Variants in SSBP2 observed in about 807,000 individuals in gnomAD.
SSBP2 encodes single stranded DNA binding protein 2.
A neutral mutation model predicts 61.8 loss-of-function variants in SSBP2; 17 were observed. The observed-to-expected ratio is 0.28, with a 90% CI of 0.19 to 0.41. The LOEUF is 0.41. Among genes scored for constraint, SSBP2 ranks in the 10% least tolerant of loss-of-function variants. The pLI is 1.00. For missense variants in SSBP2, 310 were observed against 458.7 expected, an observed-to-expected ratio of 0.68 and a Z score of 2.96; for synonymous variants, 139 against 141.3, an observed-to-expected ratio of 0.98 and a Z score of 0.12.
chr5:81,543,527 G>A (rs1334390822), intron 4 of SSBP2, among the ~76,000 whole-genome samples: 2 of 152,136 alleles, frequency 1.3e-5, no homozygotes, highest in Middle Eastern at 3.2e-3. Flanking sequence ...GAGGGAACAA[G>A]GGTTGAAAAA....
chr5:81,526,704 A>C (rs1298986257), intron 4 of SSBP2, among the ~76,000 whole-genome samples: 1 of 152,012 alleles, frequency 6.6e-6, no homozygotes, highest in Middle Eastern at 3.2e-3. Flanking sequence ...CAAGCTTTTT[A>C]ATTCAACAAA....
intron 1 of SSBP2, among the ~76,000 whole-genome samples, chr5:81,710,145 C>T (rs1265170236): frequency 6.6e-6 from 1 of 151,962 alleles, no homozygotes; most frequent in African/African-American, 2.4e-5. Flanking sequence ...TCACTTGGTC[C>T]CACTGCCATG....
rs776103132 is a variant in SSBP2 at position 81,609,136 on chromosome 5, G to GA, written c.282+6336dup. ...CTATGGCCCTTCTACAATGCTCCAG[G>GA]AATTCAGGGACTTCAGCATGAAACT... On this transcript the variant is annotated intron_variant, in intron 4 of 16. Coordinates refer to ENST00000320672, the MANE Select transcript of SSBP2 (RefSeq NM_012446.5). Among the ~76,000 whole-genome samples, 7 of 152,220 alleles carry GA rather than the reference G, an allele frequency of 4.6e-5. No individual in the cohort carries two copies. The East Asian group carries it at 1.4e-3, about 29-fold the overall frequency.
At chr5:81,541,042 G>A (rs1021855318) in intron 4 of SSBP2, among the ~76,000 whole-genome samples, 2 of 151,848 alleles carry the variant, frequency 1.3e-5, no homozygotes, top group African/African-American at 4.8e-5. Context: ...AAGTTTCCTG[G>A]AGCTGATAAA....
At chr5:81,480,959 A>G (rs971874497) in intron 6 of SSBP2, among the ~76,000 whole-genome samples, 1 of 152,126 alleles carries the variant, frequency 6.6e-6, no homozygotes, top group Non-Finnish European at 1.5e-5. Flanking sequence ...ATATCAAGAA[A>G]CCATTTTTGT....
At chr5:81,695,860 AATAAT>A (rs1402209061) in intron 1 of SSBP2, among the ~76,000 whole-genome samples, 1 of 152,138 alleles carries the variant, frequency 6.6e-6, no homozygotes, top group Non-Finnish European at 1.5e-5. Context: ...AATTCTGCTT[AATAAT>A]ATAATTTTTA....
intron 1 of SSBP2, among the ~76,000 whole-genome samples, chr5:81,710,174 A>G (rs1024942203): frequency 4.6e-5 from 7 of 152,042 alleles, no homozygotes; most frequent in Admixed American, 3.9e-4. Flanking sequence ...AGCTTATAGG[A>G]CACAATGGTA....
intron 6 of SSBP2, among the ~76,000 whole-genome samples, chr5:81,477,789 A>G (rs966452556): frequency 2.6e-5 from 4 of 152,164 alleles, no homozygotes; most frequent in Non-Finnish European, 4.4e-5. Context: ...ATCTGTGCCT[A>G]CTGTCACAGA....
chr5:81,702,914 G>A (rs1454624463), intron 1 of SSBP2, among the ~76,000 whole-genome samples: 1 of 152,174 alleles, frequency 6.6e-6, no homozygotes, highest in East Asian at 1.9e-4. Flanking sequence ...TTCTCATGCT[G>A]TGGCTCAATC....
At chr5:81,469,112 A>G (rs996592385) in intron 8 of SSBP2, among the ~76,000 whole-genome samples, 2 of 151,928 alleles carry the variant, frequency 1.3e-5, no homozygotes, top group African/African-American at 4.8e-5. Flanking sequence ...GGAAACCATT[A>G]ATTTTCCTTA....
At chr5:81,491,750 A>T (rs1434072460) in intron 5 of SSBP2, among the ~76,000 whole-genome samples, 1 of 152,320 alleles carries the variant, frequency 6.6e-6, no homozygotes, top group African/African-American at 2.4e-5. Flanking sequence ...TATAAACTCT[A>T]ATCTTCACAC....
chr5:81,566,830 A>G (rs1773457477), intron 4 of SSBP2, among the ~76,000 whole-genome samples: 1 of 152,200 alleles, frequency 6.6e-6, no homozygotes, highest in South Asian at 2.1e-4. Flanking sequence ...CTTGTTGGGA[A>G]CTGGAGCAAA....
chr5:81,651,385 T>C (rs531460647), intron 1 of SSBP2, among the ~76,000 whole-genome samples: 1 of 152,166 alleles, frequency 6.6e-6, no homozygotes, highest in African/African-American at 2.4e-5. Context: ...ATCATGCATC[T>C]GTCATGAAAA....
chr5:81,551,952 C>G (rs998391187), intron 4 of SSBP2, among the ~76,000 whole-genome samples: 1 of 152,082 alleles, frequency 6.6e-6, no homozygotes, highest in Non-Finnish European at 1.5e-5. Flanking sequence ...TTTGAAGAGG[C>G]TATTTTCAGA....
At chr5:81,701,888 G>A (rs1366395745) in intron 1 of SSBP2, among the ~76,000 whole-genome samples, 4 of 152,082 alleles carry the variant, frequency 2.6e-5, no homozygotes, top group Admixed American at 6.5e-5. Flanking sequence ...TCAGAACCCT[G>A]TTAACCAACG....
chr5:81,594,794 T>C (rs1336022762), intron 4 of SSBP2, among the ~76,000 whole-genome samples: 67 of 151,894 alleles, frequency 4.4e-4, no homozygotes, highest in African/African-American at 1.4e-3. Flanking sequence ...TTGAAACCAA[T>C]GAGAACAAAG....
At chr5:81,656,203 C>G (rs551317864) in intron 1 of SSBP2, among the ~76,000 whole-genome samples, 1 of 152,100 alleles carries the variant, frequency 6.6e-6, no homozygotes, top group East Asian at 1.9e-4. Context: ...AGGTGTGCAC[C>G]ACCACGCCCA....
chr5:81,455,839 G>A (rs1367427314), intron 10 of SSBP2, among the ~76,000 whole-genome samples: 2 of 152,152 alleles, frequency 1.3e-5, no homozygotes, highest in Non-Finnish European at 1.5e-5. Flanking sequence ...GGCTAATCTA[G>A]ACAGATCACT....
At chr5:81,708,646 A>C (rs967603842) in intron 1 of SSBP2, among the ~76,000 whole-genome samples, 1 of 137,274 alleles carries the variant, frequency 7.3e-6, no homozygotes, top group African/African-American at 2.8e-5. Flanking sequence ...AGAGACAACC[A>C]GAAAATTAAT....
Sources: gnomAD v4.1 joint callset for allele counts (sites outside exome capture counted in the v4.1 genomes callset) on GRCh38, gnomAD v4.1.1 for gene constraint, MANE v1.5 for transcripts, NCBI Gene and HGNC (gene_info 2026-07-23, HGNC 2026-07-21) for gene names.